Variants in XYLB observed in about 807,000 individuals in gnomAD.
The protein encoded by XYLB is xylulokinase.
Under a neutral mutation model 78.7 loss-of-function variants are expected in XYLB, and 62 were observed. The ratio of observed to expected loss-of-function variants is 0.79; its 90% confidence interval spans 0.64 to 0.97. XYLB has a LOEUF of 0.97. Ranked by LOEUF, XYLB falls within the 50% of genes least tolerant of loss-of-function variation. The pLI is 0.00. For synonymous variants in XYLB, 245 were observed against 247.4 expected (o/e 0.99, Z 0.09); for missense variants, 687 against 676.8 (o/e 1.02, Z -0.17).
chr3:38,374,924 C>T (rs1427443393), intron 11 of XYLB, among the ~76,000 whole-genome samples: 4 of 152,186 alleles, frequency 2.6e-5, no homozygotes, highest in African/African-American at 7.2e-5. Flanking sequence ...TGTGGGAAAT[C>T]AGCACAGAAG....
At chr3:38,446,615 C>T in the XYLB span, among the ~76,000 whole-genome samples, 4 of 152,164 alleles carry the variant, frequency 2.6e-5, no homozygotes, top group Admixed American at 2.6e-4. Flanking sequence ...AATAAAGCCA[C>T]ATATTTATAG....
At chr3:38,447,893 T>C in the XYLB span, among the ~76,000 whole-genome samples, 1 of 152,116 alleles carries the variant, frequency 6.6e-6, no homozygotes, top group South Asian at 2.1e-4. Context: ...GTAGTATATA[T>C]ACACAATGAA....
chr3:38,381,377 T>C (rs1707135178), intron 15 of XYLB, among the ~76,000 whole-genome samples: 1 of 152,128 alleles, frequency 6.6e-6, no homozygotes, highest in African/African-American at 2.4e-5. Context: ...CCTGTAATAA[T>C]TGCATTAACT....
At chr3:38,448,413 CA>C in the XYLB span, among the ~76,000 whole-genome samples, 1 of 152,140 alleles carries the variant, frequency 6.6e-6, no homozygotes. Context: ...ATACATGCAA[CA>C]AAATTTCTCA....
At chr3:38,439,910 G>T in the XYLB span, among the ~76,000 whole-genome samples, 3 of 152,224 alleles carry the variant, frequency 2.0e-5, no homozygotes, top group Non-Finnish European at 4.4e-5. Flanking sequence ...TTTCTCAGCA[G>T]TGAGGAGGTC....
intron 4 of XYLB, among the ~76,000 whole-genome samples, chr3:38,363,259 G>T (rs181672745): frequency 1.7e-4 from 26 of 152,302 alleles, no homozygotes; most frequent in Admixed American, 1.4e-3. Context: ...AGGACGCTTG[G>T]TGAGAGAACT....
At chr3:38,444,775 G>T in the XYLB span, among the ~76,000 whole-genome samples, 2 of 152,158 alleles carry the variant, frequency 1.3e-5, no homozygotes, top group African/African-American at 4.8e-5. Context: ...AACCGCCCAT[G>T]GTTTTGGTTT....
chr3:38,415,569 G>T (rs1010489923), downstream of XYLB, among the ~76,000 whole-genome samples: 2 of 152,084 alleles, frequency 1.3e-5, no homozygotes, highest in Admixed American at 6.5e-5. Context: ...GATCACCTGA[G>T]GTCAGGAGCT....
chr3:38,422,634 A>C (rs540556019), downstream of XYLB, among the ~76,000 whole-genome samples: 7 of 152,216 alleles, frequency 4.6e-5, no homozygotes, highest in East Asian at 5.8e-4. Flanking sequence ...GGACCCCATG[A>C]ACAATCTGGG....
chr3:38,358,407 A>G (rs1705794700), intron 2 of XYLB, among the ~76,000 whole-genome samples: 1 of 142,772 alleles, frequency 7.0e-6, no homozygotes, highest in Non-Finnish European at 1.5e-5. Context: ...TGCAGTGGCA[A>G]GATCTCAGCT....
At position 38,370,031 on chromosome 3, in the gene XYLB, G is replaced by A. The variant is rs185128503; in HGVS notation, c.647-25G>A. 6.9e-6 allele frequency: 11 copies of A among 1,597,236 alleles called. No individual in the cohort carries two copies. In the Admixed American group the frequency reaches 8.3e-5, roughly 12 times the overall value. ...AAAAGGTCCATTTTCAAGATTGTCT[G>A]TTGTTTGTTTCCTTCCTTCCTCAGG... On this transcript the variant is annotated intron_variant, in intron 8 of 18. Coordinates refer to ENST00000207870, the MANE Select transcript of XYLB (RefSeq NM_005108.4).
rs1708098383 is a variant in XYLB at position 38,400,956 on chromosome 3, G to A, written c.1504G>A (p.Ala502Thr). ...VVKLAPNPRLAATPSPGASQV... is the reference protein window; with the variant it reads ...VVKLAPNPRLTATPSPGASQV... ...GAAGTTAGCTCCAAATCCCAGACTA[G>A]CTGCTACCCCAAGCCCGGGAGCTTC... Residue 502 changes from alanine to threonine, a missense_variant, in exon 18 of 19, where the codon GCT becomes ACT. Ala to Thr is a moderately conservative substitution (Grantham distance 58, BLOSUM62 0). Coordinates refer to ENST00000207870, the MANE Select transcript of XYLB (RefSeq NM_005108.4). The A allele has an allele frequency of 6.2e-7, 1 of 1,614,072 alleles. No individual in the cohort carries two copies. Among genetic ancestry groups the A allele is most frequent in the Non-Finnish European group, 8.5e-7 (1 of 1,180,038 alleles).
At chr3:38,441,433 G>GT in the XYLB span, among the ~76,000 whole-genome samples, 1 of 152,210 alleles carries the variant, frequency 6.6e-6, no homozygotes, top group African/African-American at 2.4e-5. Context: ...CCAGCAGTAT[G>GT]TAAGTTAAGG....
the XYLB span, among the ~76,000 whole-genome samples, chr3:38,428,084 G>A: frequency 7.9e-5 from 12 of 151,990 alleles, no homozygotes; most frequent in South Asian, 2.1e-4. Context: ...GCTGTTTTTC[G>A]TTAATTCTTA....
At chr3:38,367,211 G>T (rs1031264467) in intron 7 of XYLB, among the ~76,000 whole-genome samples, 1 of 152,136 alleles carries the variant, frequency 6.6e-6, no homozygotes, top group South Asian at 2.1e-4. Flanking sequence ...TGTGGTTAAC[G>T]CAGGAGGGCT....
rs183387322 is a variant in XYLB at position 38,408,576 on chromosome 3, A to C, written c.1534-4360A>C. 0.015 allele frequency among the ~76,000 whole-genome samples: 2,246 copies of C among 150,212 alleles called. 113 individuals are homozygous for C. In the East Asian group the frequency reaches 0.16, roughly 11 times the overall value. ...AAATACAGACACAAAAAAACCCTTC[A>C]AAAAATTAATGAATTCAGGAGCTGG... On this transcript the variant is annotated intron_variant, in intron 18 of 18. Coordinates refer to ENST00000207870, the MANE Select transcript of XYLB (RefSeq NM_005108.4).
the XYLB span, among the ~76,000 whole-genome samples, chr3:38,435,476 C>T: frequency 1.3e-5 from 2 of 152,086 alleles, no homozygotes; most frequent in Non-Finnish European, 2.9e-5. Context: ...AGAGAGATAG[C>T]CTGCAATACA....
At chr3:38,447,383 A>G in the XYLB span, among the ~76,000 whole-genome samples, 2 of 151,700 alleles carry the variant, frequency 1.3e-5, no homozygotes, top group African/African-American at 4.9e-5. Flanking sequence ...GGCTCAGTGG[A>G]GCCTTCACCT....
At chr3:38,429,630 A>G in the XYLB span, among the ~76,000 whole-genome samples, 2 of 152,162 alleles carry the variant, frequency 1.3e-5, no homozygotes, top group Non-Finnish European at 2.9e-5. Flanking sequence ...TTACATAAGT[A>G]TATATGTATT....
Sources: allele counts gnomAD v4.1 joint callset (sites outside exome capture counted in the v4.1 genomes callset), GRCh38; gene constraint gnomAD v4.1.1; transcripts MANE v1.5; gene names NCBI Gene and HGNC (gene_info 2026-07-23, HGNC 2026-07-21).